CACNA1D: variants seen among roughly 807,000 people sequenced by gnomAD.
CACNA1D encodes the protein calcium voltage-gated channel subunit alpha1 D, also known as voltage-dependent L-type calcium channel subunit alpha-1D.
Under a neutral mutation model 257.1 loss-of-function variants are expected in CACNA1D, and 55 were observed. That is an observed-to-expected ratio of 0.21 (90% CI 0.17 to 0.27). The LOEUF is 0.27. Among genes scored for constraint, CACNA1D ranks in the 10% least tolerant of loss-of-function variants. The pLI, the probability that CACNA1D is intolerant of heterozygous loss-of-function variation, is 1.00. For missense variants in CACNA1D, 1,876 were observed against 2,784.0 expected (o/e 0.67, Z 7.34); for synonymous variants, 980 against 1,014.9 (o/e 0.97, Z 0.65).
At chr3:53,567,159 G>A (rs1186125980) in intron 3 of CACNA1D, among the ~76,000 whole-genome samples, 1 of 152,210 alleles carries the variant, frequency 6.6e-6, no homozygotes, top group Non-Finnish European at 1.5e-5. Flanking sequence ...TCCCGTGGAT[G>A]CATAGCATGG....
intron 3 of CACNA1D, among the ~76,000 whole-genome samples, chr3:53,623,366 C>G (rs2093720598): frequency 1.3e-5 from 2 of 152,286 alleles, no homozygotes; most frequent in South Asian, 4.1e-4. Flanking sequence ...AGGTCTGCAC[C>G]TTCTTTTGAA....
At chr3:53,510,918 A>T (rs1330985178) in intron 3 of CACNA1D, among the ~76,000 whole-genome samples, 1 of 152,212 alleles carries the variant, frequency 6.6e-6, no homozygotes, top group Non-Finnish European at 1.5e-5. Context: ...CCTTGCTTTC[A>T]GTCCCAGGTG....
intron 9 of CACNA1D, among the ~76,000 whole-genome samples, chr3:53,707,676 T>A (rs1359313523): frequency 6.6e-6 from 1 of 152,176 alleles, no homozygotes; most frequent in African/African-American, 2.4e-5. Flanking sequence ...AATCTCAAAG[T>A]GATTTTTTTA....
In CACNA1D at chr3:53,811,376, G is replaced by C; in HGVS notation, c.6456G>C (p.Ala2152=). The change falls in exon 48 of 48, where the codon GCG becomes GCC. Residue 2152 remains alanine (A), a synonymous_variant. Transcript: ENST00000350061. The surrounding 1 kb of genome is among the most constrained non-coding windows in gnomAD (Gnocchi z 4.2). ...CTGGGAGGGATGAGGAGGACCTGGC[G>C]GATGAAATGATATGCATCACCACCT... ...PDPGRDEEDL[A]DEMICITTL is the part of the protein sequence containing the mutation. 6.3e-7 allele frequency: 1 copy of C among 1,580,664 alleles called. No individual in the cohort carries two copies. The highest frequency in any genetic ancestry group is 8.6e-7 in the Non-Finnish European group (1 of 1,160,328).
rs928452718 is a variant in CACNA1D, at chr3:53,774,414, C to T, written c.4111-173C>T. On this transcript the variant is annotated intron_variant, in intron 33 of 47. Coordinates refer to ENST00000350061, the MANE Select transcript of CACNA1D (RefSeq NM_001128840.3). This position sits in a 1 kb window ranked among gnomAD's most constrained non-coding sequence, Gnocchi z 4.3. ...CACCACGTTCCCAGTGTGTAACCTG[C>T]TGCCTGGCACATGGTTGTGCCTGGC... 8 of 624,954 alleles carry T rather than the reference C, an allele frequency of 1.3e-5. No individual in the cohort carries two copies. Among genetic ancestry groups the T allele is most frequent in the African/African-American group, 1.3e-4 (7 of 54,888 alleles). The allele number at this position is 624,954 out of a possible 1,614,324, so 38.7% of individuals were successfully genotyped here. A position where few individuals can be genotyped will look rare whatever the true frequency, so the allele number is the denominator to read the frequency against.
chr3:53,696,091 G>C, intron 8 of CACNA1D, among the ~76,000 whole-genome samples: 1 of 152,158 alleles, frequency 6.6e-6, no homozygotes, highest in African/African-American at 2.4e-5. Context: ...AGCCTCCTGA[G>C]TAGCTGAGAC....
intron 8 of CACNA1D, chr3:53,674,117 C>T (rs1480803657): frequency 4.0e-6 from 2 of 502,538 alleles, no homozygotes; most frequent in Non-Finnish European, 7.2e-6. Context: ...CAGCCTTGGT[C>T]TCCCCCAGGA....
At chr3:53,660,086 C>G (rs371634193) in intron 4 of CACNA1D, 47 bp from the exon 5 acceptor site, 1 of 1,569,782 alleles carries the variant, frequency 6.4e-7, no homozygotes, top group Non-Finnish European at 8.8e-7. Context: ...GTTTTGCGTC[C>G]CTGGGGTAAC....
intron 32 of CACNA1D, among the ~76,000 whole-genome samples, chr3:53,771,451 T>C (rs1183415793): frequency 6.6e-6 from 1 of 152,130 alleles, no homozygotes; most frequent in Non-Finnish European, 1.5e-5. Flanking sequence ...CATTTGTCCC[T>C]AGTAGATGGG....
intron 25 of CACNA1D, among the ~76,000 whole-genome samples, chr3:53,746,769 C>T (rs534904122): frequency 3.5e-4 from 53 of 152,258 alleles, no homozygotes; most frequent in African/African-American, 1.2e-3. Flanking sequence ...AAAGATATTG[C>T]GCTTTATCTC....
intron 4 of CACNA1D, among the ~76,000 whole-genome samples, chr3:53,652,307 C>T (rs552756813): frequency 6.6e-6 from 1 of 152,264 alleles, no homozygotes; most frequent in African/African-American, 2.4e-5. Context: ...TTTCACACTA[C>T]AGCACAGCAC....
At chr3:53,660,342 C>T (rs959073081) in intron 5 of CACNA1D, 67 bp downstream of exon 5, 2 of 1,518,320 alleles carry the variant, frequency 1.3e-6, no homozygotes, top group Admixed American at 1.7e-5. Flanking sequence ...GTTTCAGAAT[C>T]ACTGGTGCTT....
intron 3 of CACNA1D, among the ~76,000 whole-genome samples, chr3:53,584,145 A>G (rs2093176355): frequency 1.3e-5 from 2 of 152,172 alleles, no homozygotes; most frequent in African/African-American, 2.4e-5. Context: ...GTTCTCTTTC[A>G]TTCAGTAGCT....
intron 3 of CACNA1D, among the ~76,000 whole-genome samples, chr3:53,591,375 C>G (rs1175790690): frequency 1.3e-5 from 2 of 152,206 alleles, no homozygotes; most frequent in African/African-American, 4.8e-5. Context: ...GCTTCAGCCT[C>G]CCGAGTAGCT....
intron 9 of CACNA1D, among the ~76,000 whole-genome samples, chr3:53,711,570 G>C (rs2094756046): frequency 6.6e-6 from 1 of 152,194 alleles, no homozygotes; most frequent in African/African-American, 2.4e-5. Context: ...CCTGACTCTG[G>C]GGAAAGTCTG....
At chr3:53,649,722 G>A (rs561364012) in intron 3 of CACNA1D, among the ~76,000 whole-genome samples, 3 of 152,196 alleles carry the variant, frequency 2.0e-5, no homozygotes, top group Non-Finnish European at 4.4e-5. Context: ...GTAACTTTTC[G>A]GGTCCCACTG....
chr3:53,790,039 C>A (rs1380105503), intron 40 of CACNA1D, among the ~76,000 whole-genome samples: 2 of 152,168 alleles, frequency 1.3e-5, no homozygotes, highest in African/African-American at 2.4e-5. Context: ...TTAAAACCAA[C>A]CTTCTCTCCA....
intron 20 of CACNA1D, among the ~76,000 whole-genome samples, chr3:53,738,705 T>A (rs2095083906): frequency 6.6e-6 from 1 of 152,178 alleles, no homozygotes; most frequent in Non-Finnish European, 1.5e-5. Flanking sequence ...TGAGTATTGC[T>A]TTTTAGATTC....
chr3:53,805,226 G>A, intron 45 of CACNA1D, 80 bp downstream of exon 45: 2 of 1,345,296 alleles, frequency 1.5e-6, no homozygotes, highest in South Asian at 1.2e-5. Context: ...CTGGGGGCCG[G>A]TGATGGATGT....
Sources: allele counts gnomAD v4.1 joint callset (sites outside exome capture counted in the v4.1 genomes callset), GRCh38; gene constraint gnomAD v4.1.1; non-coding constraint Gnocchi (gnomAD v3.1); transcripts MANE v1.5; gene names NCBI Gene and HGNC (gene_info 2026-07-23, HGNC 2026-07-21).